TAOK3: variants seen among roughly 807,000 people sequenced by gnomAD.
TAOK3 encodes the protein TAO kinase 3, also known as serine/threonine-protein kinase TAO3.
Under a neutral mutation model 120.4 loss-of-function variants are expected in TAOK3, and 40 were observed. The observed-to-expected ratio is 0.33, with a 90% CI of 0.26 to 0.43. The LOEUF is 0.43. Ranked by LOEUF, TAOK3 falls within the 20% of genes least tolerant of loss-of-function variation. The probability of loss-of-function intolerance (pLI) is 1.00; values close to 1 mark genes in which losing one functional copy is unlikely to be tolerated. For missense variants in TAOK3, 821 were observed against 1,112.1 expected, an observed-to-expected ratio of 0.74 and a Z score of 3.72; for synonymous variants, 355 against 387.5, an observed-to-expected ratio of 0.92 and a Z score of 0.99.
intron 13 of TAOK3, among the ~76,000 whole-genome samples, chr12:118,192,077 A>G (rs1341462348): frequency 1.3e-5 from 2 of 152,212 alleles, no homozygotes; most frequent in African/African-American, 4.8e-5. Flanking sequence ...AAATTTATTC[A>G]TGTACAAATA....
At chr12:118,152,743 T>G in intron 19 of TAOK3, 1 of 229,850 alleles carries the variant, frequency 4.4e-6, no homozygotes, top group African/African-American at 2.2e-5. Flanking sequence ...CTTGGCACAT[T>G]ACCTACCTCT....
intron 7 of TAOK3, chr12:118,236,124 G>A (rs985290620): frequency 5.1e-5 from 8 of 157,630 alleles, no homozygotes; most frequent in Non-Finnish European, 1.1e-4. Context: ...CAATGATTCC[G>A]TATTGACCAC....
At chr12:118,326,657 C>G (rs887894447) in intron 1 of TAOK3, among the ~76,000 whole-genome samples, 1 of 152,106 alleles carries the variant, frequency 6.6e-6, no homozygotes, top group South Asian at 2.1e-4. Flanking sequence ...GGATATAATT[C>G]TACTCATTGG....
At chr12:118,276,688 C>T (rs1038772006) in intron 1 of TAOK3, among the ~76,000 whole-genome samples, 19 of 146,202 alleles carry the variant, frequency 1.3e-4, no homozygotes, top group Non-Finnish European at 2.3e-4. Flanking sequence ...GGCAACACAG[C>T]GAGACTCCGT....
Position 118,172,567 on chromosome 12 carries a change from C to G in TAOK3, c.1789G>C (p.Glu597Gln). The change falls in exon 17 of 21, where the codon GAA (glutamate) becomes CAA (glutamine). Residue 597 changes from glutamate (E) to glutamine (Q), a missense_variant. Glu to Gln is a conservative substitution (Grantham distance 29). This residue lies in a region of TAOK3 where 354 missense variants were observed against 572.1 expected (regional missense o/e 0.62). Coordinates refer to ENST00000392533, the MANE Select transcript of TAOK3 (RefSeq NM_016281.4). ...ENLQHTQAEE[E>Q]AHLLTQQRLY... is the part of the protein sequence containing the mutation. Reference sequence around the variant, plus strand: ...CTCTGTTGAGTGAGAAGGTGGGCTTCCTCTTCAGCCTGTGTGTGCTGCAAG... The same window carrying G: ...CTCTGTTGAGTGAGAAGGTGGGCTTGCTCTTCAGCCTGTGTGTGCTGCAAG... 1 of 1,614,180 alleles carries G rather than the reference C, an allele frequency of 6.2e-7. No homozygotes were observed.
chr12:118,359,171 C>G (rs1218905623), intron 1 of TAOK3: 1 of 152,158 alleles, frequency 6.6e-6, no homozygotes, highest in African/African-American at 2.4e-5. Flanking sequence ...AAAGAGAGTA[C>G]TTCCTGGTCA....
intron 1 of TAOK3, among the ~76,000 whole-genome samples, chr12:118,277,817 G>T (rs775641205): frequency 6.6e-6 from 1 of 152,096 alleles, no homozygotes; most frequent in Admixed American, 6.6e-5. Context: ...TAAAAAAGTT[G>T]TGGAGAACTT....
intron 9 of TAOK3, among the ~76,000 whole-genome samples, chr12:118,215,350 A>C (rs2038846482): frequency 7.1e-6 from 1 of 141,506 alleles, no homozygotes; most frequent in Non-Finnish European, 1.6e-5. Flanking sequence ...AAAAAAAAAG[A>C]AATACAAAAA....
At chr12:118,268,209 T>C (rs1388587915) in intron 1 of TAOK3, among the ~76,000 whole-genome samples, 2 of 152,228 alleles carry the variant, frequency 1.3e-5, no homozygotes, top group Non-Finnish European at 2.9e-5. Flanking sequence ...TGTTGAACTA[T>C]TGAAAATTAT....
chr12:118,353,141 G>A (rs2141240865), intron 1 of TAOK3, among the ~76,000 whole-genome samples: 1 of 152,302 alleles, frequency 6.6e-6, no homozygotes, highest in East Asian at 1.9e-4. Flanking sequence ...TATTCAAAAT[G>A]TTTACATTAG....
At chr12:118,253,066 A>G (rs1239385369) in intron 3 of TAOK3, among the ~76,000 whole-genome samples, 10 of 152,142 alleles carry the variant, frequency 6.6e-5, no homozygotes, top group Non-Finnish European at 1.0e-4. Context: ...CTTTTATTGT[A>G]TTTAATGACA....
intron 1 of TAOK3, among the ~76,000 whole-genome samples, chr12:118,352,773 C>T (rs1448832172): frequency 3.3e-5 from 5 of 152,072 alleles, no homozygotes; most frequent in African/African-American, 4.8e-5. Flanking sequence ...TGCTGTGGCA[C>T]GATCTTGGCT....
chr12:118,205,453 G>T (rs1236766047), intron 11 of TAOK3, among the ~76,000 whole-genome samples: 1 of 152,120 alleles, frequency 6.6e-6, no homozygotes, highest in Admixed American at 6.5e-5. Context: ...TAGCTAATTA[G>T]TAGAAGAGCT....
intron 1 of TAOK3, among the ~76,000 whole-genome samples, chr12:118,336,613 A>G (rs1299052142): frequency 1.3e-5 from 2 of 152,180 alleles, no homozygotes; most frequent in Non-Finnish European, 2.9e-5. Context: ...ACCTAATCAA[A>G]ATTTAAAACC....
chr12:118,259,705 T>C (rs1261485464), intron 2 of TAOK3, among the ~76,000 whole-genome samples: 1 of 152,208 alleles, frequency 6.6e-6, no homozygotes, highest in African/African-American at 2.4e-5. Flanking sequence ...TTCTAGGCCA[T>C]GCTGCAGAGA....
chr12:118,253,630 A>C (rs2040850664), intron 3 of TAOK3, among the ~76,000 whole-genome samples: 1 of 151,898 alleles, frequency 6.6e-6, no homozygotes, highest in South Asian at 2.1e-4. Context: ...CCAGCTACTC[A>C]GGAGGCTGAG....
chr12:118,354,475 T>A (rs1267620988), intron 1 of TAOK3, among the ~76,000 whole-genome samples: 1 of 152,118 alleles, frequency 6.6e-6, no homozygotes, highest in African/African-American at 2.4e-5. Flanking sequence ...TTAAAACTCA[T>A]GAATGGGGCC....
intron 1 of TAOK3, among the ~76,000 whole-genome samples, chr12:118,342,765 C>T (rs2044668129): frequency 6.6e-6 from 1 of 151,942 alleles, no homozygotes; most frequent in Non-Finnish European, 1.5e-5. Context: ...GAAACCCTGT[C>T]TTTACAAAAA....
At chr12:118,167,294 T>A (rs2035662494) in intron 17 of TAOK3, among the ~76,000 whole-genome samples, 2 of 151,994 alleles carry the variant, frequency 1.3e-5, no homozygotes, top group East Asian at 1.9e-4. Context: ...TTGGTGGGAG[T>A]ATAAACTCCT....
Sources: gnomAD v4.1 joint callset for allele counts (sites outside exome capture counted in the v4.1 genomes callset) on GRCh38, gnomAD v4.1.1 for gene constraint, gnomAD v4.1.1 regional missense constraint, MANE v1.5 for transcripts, NCBI Gene and HGNC (gene_info 2026-07-23, HGNC 2026-07-21) for gene names.